Variants in DHX15 observed in about 807,000 individuals in gnomAD.
The protein encoded by DHX15 is ATP-dependent RNA helicase DHX15.
DHX15 carries 11 observed loss-of-function variants against 94.4 expected under a neutral mutation model. The observed-to-expected ratio is 0.12, with a 90% confidence interval of 0.07 to 0.19. DHX15 has a LOEUF of 0.19. DHX15 is among the 10% of genes least tolerant of loss of function. The pLI, the probability that DHX15 is intolerant of heterozygous loss-of-function variation, is 1.00. For missense variants in DHX15, 304 were observed against 988.5 expected (o/e 0.31, Z 9.29); for synonymous variants, 338 against 329.9 (o/e 1.02, Z -0.27).
intron 3 of DHX15, among the ~76,000 whole-genome samples, chr4:24,569,005 G>A (rs760898793): frequency 6.6e-4 from 100 of 152,184 alleles, no homozygotes; most frequent in Non-Finnish European, 1.3e-3. Context: ...TAAATATCAC[G>A]CTGAATAAAA....
At chr4:24,529,889 T>G in intron 12 of DHX15, 119 bp from the exon 13 acceptor site, 1 of 1,006,798 alleles carries the variant, frequency 9.9e-7, no homozygotes, top group Non-Finnish European at 1.5e-6. Flanking sequence ...TGGCTATACT[T>G]ATTTATCACT....
chr4:24,529,687 G>A lies in DHX15; in HGVS notation c.2184C>T (p.Asp728=). Residue 728 remains aspartate (D), a synonymous_variant, in exon 13 of 14, where the codon GAC becomes GAT. Transcript: ENST00000336812. ...VVQLHPSTVL[D]HKPEWVLYNE... is the part of the protein sequence containing the mutation. ...TATAAAGCACCCATTCAGGTTTGTG[G>A]TCAAGAACAGTAGAGGGATGCAACT... 1 of 1,614,170 alleles carries A rather than the reference G, an allele frequency of 6.2e-7. No individual in the cohort carries two copies. Among genetic ancestry groups the A allele is most frequent in the Non-Finnish European group, 8.5e-7 (1 of 1,180,008 alleles).
At chr4:24,567,597 T>C (rs537222094) in intron 3 of DHX15, among the ~76,000 whole-genome samples, 2 of 151,112 alleles carry the variant, frequency 1.3e-5, no homozygotes, top group African/African-American at 2.4e-5. Flanking sequence ...AAAAAAAAGT[T>C]ACAACCACAG....
chr4:24,562,641 A>G (rs1721907485), intron 3 of DHX15, among the ~76,000 whole-genome samples: 2 of 152,230 alleles, frequency 1.3e-5, no homozygotes, highest in Non-Finnish European at 2.9e-5. Flanking sequence ...GCCTCCATGT[A>G]ACTCATAAAT....
chr4:24,570,070 G>A (rs977124372), intron 3 of DHX15, among the ~76,000 whole-genome samples: 3 of 152,190 alleles, frequency 2.0e-5, no homozygotes, highest in Admixed American at 1.3e-4. Context: ...GCAAGTATAA[G>A]ACAATAAAAA....
chr4:24,554,355 T>G (rs139973698), intron 5 of DHX15, among the ~76,000 whole-genome samples: 7 of 152,216 alleles, frequency 4.6e-5, no homozygotes, highest in South Asian at 2.1e-4. Flanking sequence ...TGATGATGAA[T>G]AGGCACCCAA....
chr4:24,571,029 G>C (rs1722109684), intron 2 of DHX15, among the ~76,000 whole-genome samples, 182 bp from the exon 3 acceptor site: 1 of 152,182 alleles, frequency 6.6e-6, no homozygotes, highest in Non-Finnish European at 1.5e-5. Context: ...ACAGTTATGT[G>C]TAATACTGAT....
At position 24,579,094 on chromosome 4, in the gene DHX15, T is replaced by C. The variant is rs1285971113; in HGVS notation, c.72-2416A>G. ...AAAATACATTCTAAAGATAAAAGGT[T>C]AGCTGCTGATCAAGCAATGGCGACA... On this transcript the variant is annotated intron_variant, in intron 1 of 13. Transcript: ENST00000336812. Among the ~76,000 whole-genome samples, 5 of 152,208 alleles carry C rather than the reference T, an allele frequency of 3.3e-5. No individual in the cohort carries two copies. In the East Asian group the frequency reaches 5.8e-4, roughly 18 times the overall value.
chr4:24,554,637 T>C, intron 5 of DHX15, 88 bp downstream of exon 5: 1 of 1,005,316 alleles, frequency 9.9e-7, no homozygotes, highest in Non-Finnish European at 1.5e-6. Flanking sequence ...AAATAAAAAA[T>C]ATGATTAACA....
chr4:24,557,409 G>C (rs532233765), intron 3 of DHX15, among the ~76,000 whole-genome samples: 205 of 152,170 alleles, frequency 1.3e-3, no homozygotes, highest in African/African-American at 4.4e-3. Flanking sequence ...CACCATTTTG[G>C]CTCTTTTTAT....
chr4:24,559,644 A>G (rs923791228), intron 3 of DHX15, among the ~76,000 whole-genome samples: 1 of 152,206 alleles, frequency 6.6e-6, no homozygotes, highest in Non-Finnish European at 1.5e-5. Flanking sequence ...TGATGAATTA[A>G]TAAAAGTGCC....
At chr4:24,556,951 A>T (rs1721750901) in intron 3 of DHX15, among the ~76,000 whole-genome samples, 1 of 152,176 alleles carries the variant, frequency 6.6e-6, no homozygotes, top group African/African-American at 2.4e-5. Context: ...ATCTTAAAGC[A>T]CAAAAGGAAT....
At chr4:24,566,218 T>C (rs1721989099) in intron 3 of DHX15, among the ~76,000 whole-genome samples, 1 of 152,026 alleles carries the variant, frequency 6.6e-6, no homozygotes, top group African/African-American at 2.4e-5. Flanking sequence ...TTTTTTAATA[T>C]ATAAATCTTT....
intron 7 of DHX15, 53 bp downstream of exon 7, chr4:24,542,887 T>A: frequency 7.6e-7 from 1 of 1,319,438 alleles, no homozygotes; most frequent in Admixed American, 1.8e-5. Flanking sequence ...ATGAATTGGT[T>A]GTAAGTACTG....
intron 11 of DHX15, among the ~76,000 whole-genome samples, chr4:24,535,119 G>A (rs1721167324): frequency 6.6e-6 from 1 of 152,204 alleles, no homozygotes; most frequent in East Asian, 1.9e-4. Flanking sequence ...CTTTGGCAGT[G>A]AGAGATCATA....
Position 24,533,051 on chromosome 4 carries a change from T to C in DHX15, c.1913A>G (p.His638Arg). Residue 638 changes from histidine (H) to arginine (R), a missense_variant, in exon 12 of 14, where the codon CAT becomes CGT. This residue lies in a region of DHX15 where 44 missense variants were observed against 236.7 expected (regional missense o/e 0.19). Transcript: ENST00000336812. ...LNVYHAFKQN[H>R]ESVQWCYDNF... ...GTCATAACACCACTGAACCGATTCA[T>C]GATCTAAAAAGGTAGAAGGCGGGGA... 1 of 1,613,950 alleles carries C rather than the reference T, an allele frequency of 6.2e-7. No homozygotes were observed. The highest frequency in any genetic ancestry group is 8.5e-7 in the Non-Finnish European group (1 of 1,179,888).
chr4:24,557,877 T>C (rs1032641667), intron 3 of DHX15, among the ~76,000 whole-genome samples: 1 of 151,878 alleles, frequency 6.6e-6, no homozygotes, highest in Non-Finnish European at 1.5e-5. Flanking sequence ...AGAGAGGCAA[T>C]ACTCTTGTAC....
intron 3 of DHX15, among the ~76,000 whole-genome samples, chr4:24,568,903 T>G (rs1383639722): frequency 6.6e-6 from 1 of 152,214 alleles, no homozygotes; most frequent in Non-Finnish European, 1.5e-5. Context: ...CTACAAGAAT[T>G]TATTCAGTGA....
At chr4:24,583,952 C>T (rs1577355578) in intron 1 of DHX15, among the ~76,000 whole-genome samples, 1 of 152,252 alleles carries the variant, frequency 6.6e-6, no homozygotes, top group Non-Finnish European at 1.5e-5. Context: ...GCGCCCTCCC[C>T]CACCCTCTCC....
Sources: allele counts gnomAD v4.1 joint callset (sites outside exome capture counted in the v4.1 genomes callset), GRCh38; gene constraint gnomAD v4.1.1; regional missense constraint gnomAD v4.1.1; transcripts MANE v1.5; gene names NCBI Gene and HGNC (gene_info 2026-07-23, HGNC 2026-07-21).